Variants in ZFP64 observed in about 807,000 individuals in gnomAD.
ZFP64 encodes zinc finger protein 64.
In ZFP64, 14 loss-of-function variants were observed where a neutral mutation model predicts 51.6. That is an observed-to-expected ratio of 0.27 (90% CI 0.18 to 0.42). The LOEUF (loss-of-function observed/expected upper bound fraction) is 0.42. Ranked by LOEUF, ZFP64 falls within the 10% of genes least tolerant of loss-of-function variation. The probability of loss-of-function intolerance (pLI) is 1.00; values close to 1 mark genes in which losing one functional copy is unlikely to be tolerated. For synonymous variants in ZFP64, 375 were observed against 361.4 expected, an observed-to-expected ratio of 1.04 and a Z score of -0.43; for missense variants, 754 against 906.8, an observed-to-expected ratio of 0.83 and a Z score of 2.16.
chr20:52,133,798 C>T (rs576823367), intron 5 of ZFP64, among the ~76,000 whole-genome samples: 1 of 151,898 alleles, frequency 6.6e-6, no homozygotes, highest in East Asian at 1.9e-4. Context: ...TCTGGCAGGC[C>T]GGGGTAGATC....
In ZFP64 at chr20:52,099,823, T is replaced by C. The variant is rs115981995; in HGVS notation, c.764-1236A>G. On this transcript the variant is annotated intron_variant, in intron 5 of 8. Transcript: ENST00000361387. ...TCACTATAGTCTATTTTTAGGAAGG[T>C]TGAACTAGGTGAAATCGCTATTTTT... is the stretch of plus-strand genomic sequence containing the variant. Among the ~76,000 whole-genome samples, 479 of 152,296 alleles carry C rather than the reference T, an allele frequency of 3.1e-3. 2 individuals carry two copies. The highest frequency in any genetic ancestry group is 0.011 in the African/African-American group (455 of 41,548).
chr20:52,183,474 A>G (rs1983754898), intron 2 of ZFP64, among the ~76,000 whole-genome samples: 1 of 152,188 alleles, frequency 6.6e-6, no homozygotes, highest in African/African-American at 2.4e-5. Context: ...GGGGCAAAAC[A>G]CATGTCCCAG....
At chr20:52,114,458 C>A (rs530982617) in intron 5 of ZFP64, among the ~76,000 whole-genome samples, 2 of 152,082 alleles carry the variant, frequency 1.3e-5, no homozygotes, top group Admixed American at 6.6e-5. Context: ...AGGAATCACC[C>A]GGGGACCTTG....
intron 2 of ZFP64, among the ~76,000 whole-genome samples, chr20:52,177,150 G>A (rs1042136356): frequency 6.6e-6 from 1 of 151,988 alleles, no homozygotes; most frequent in Admixed American, 6.6e-5. Context: ...ACCCCTTCTG[G>A]TTGAATGGTT....
At chr20:52,181,433 C>T (rs4141596) in intron 2 of ZFP64, among the ~76,000 whole-genome samples, 20,233 of 152,138 alleles carry the variant, frequency 0.13, 2,057 homozygotes, top group African/African-American at 0.28. Flanking sequence ...TGTAATTTTA[C>T]AGCTCCCATA....
intron 5 of ZFP64, among the ~76,000 whole-genome samples, chr20:52,130,457 T>A (rs1325007511): frequency 6.6e-6 from 1 of 152,118 alleles, no homozygotes; most frequent in Admixed American, 6.6e-5. Context: ...CAAGCGATGC[T>A]CCTGCCTCGG....
In ZFP64 at chr20:52,166,061, A is replaced by G. The variant is rs765834529; in HGVS notation, c.287-36T>C. 2.5e-6 allele frequency: 4 copies of G among 1,578,400 alleles called. No individual in the cohort carries two copies. The South Asian group carries it at 4.7e-5, about 18-fold the overall frequency. On this transcript the variant is annotated intron_variant, in intron 2 of 5. Coordinates refer to ENST00000216923, the MANE Select transcript of ZFP64 (RefSeq NM_018197.3). ...TGGTGATTATTAATTTTCTTAATAT[A>G]AATGCCCGCTAGCTATGGTGTCTGC... is the stretch of plus-strand genomic sequence containing the variant.
chr20:52,105,039 G>A lies in ZFP64; in HGVS notation c.764-6452C>T, dbSNP rs566661242. 140 of 1,364,982 alleles carry A rather than the reference G, an allele frequency of 1.0e-4. No individual in the cohort carries two copies. The African/African-American group carries it at 1.9e-3, about 19-fold the overall frequency. The allele number at this position is 1,364,982 out of a possible 1,614,324, so 84.6% of individuals were successfully genotyped here. A position where few individuals can be genotyped will look rare whatever the true frequency, so the allele number is the denominator to read the frequency against. ...CCGGACGCTTCGCCCGCCCTTTCAG[G>A]TCCCCTGCCCGGTCCTCGTACCCGC... On this transcript the variant is annotated intron_variant, in intron 5 of 8. Transcript: ENST00000361387.
chr20:52,143,727 T>C lies in ZFP64; in HGVS notation c.763+16396A>G, dbSNP rs1382559494. Among the ~76,000 whole-genome samples, 3 of 141,570 alleles carry C rather than the reference T, an allele frequency of 2.1e-5. 1 individual carries two copies. The highest frequency in any genetic ancestry group is 4.7e-5 in the Non-Finnish European group (3 of 63,874). The allele number at this position is 141,570 out of a possible 152,430, so 92.9% of individuals were successfully genotyped here. On this transcript the variant is annotated intron_variant, in intron 5 of 8. Coordinates refer to the ZFP64 transcript ENST00000361387. Reference sequence around the variant, plus strand: ...ATTTTTTTTTTTATTATTAATAGTATTTGTAGAGACAGGGTCTCCCCTATG... The same window carrying C: ...ATTTTTTTTTTTATTATTAATAGTACTTGTAGAGACAGGGTCTCCCCTATG...
chr20:52,130,138 T>C (rs1373945244), intron 5 of ZFP64, among the ~76,000 whole-genome samples: 2 of 152,164 alleles, frequency 1.3e-5, no homozygotes, highest in East Asian at 3.9e-4. Flanking sequence ...CTCTCCCTCA[T>C]CATACTCAGT....
Position 52,152,708 on chromosome 20 carries a change from C to G in ZFP64, c.1484G>C (p.Gly495Ala). Residue 495 changes from glycine (G) to alanine (A), a missense_variant, in exon 6 of 6, where the codon GGA becomes GCA. Gly to Ala is a moderately conservative substitution (Grantham distance 60). Around this residue, in one of 3 missense-constraint regions of ZFP64, gnomAD observed 428 missense variants for 472.4 expected, o/e 0.91. Coordinates refer to ENST00000216923, the MANE Select transcript of ZFP64 (RefSeq NM_018197.3). ...QPSQVPQFSE[G>A]RVKIIVGHQV... is the part of the protein sequence containing the mutation. ...ATGCCCAACGATGATTTTGACTCTT[C>G]CCTCGCTGAACTGGGGCACTTGGCT... 1 of 1,558,770 alleles carries G rather than the reference C, an allele frequency of 6.4e-7. No homozygotes were observed. Among genetic ancestry groups the G allele is most frequent in the Non-Finnish European group, 8.7e-7 (1 of 1,151,810 alleles).
chr20:52,170,797 T>C (rs984704900), intron 2 of ZFP64, among the ~76,000 whole-genome samples: 1 of 152,164 alleles, frequency 6.6e-6, no homozygotes, highest in African/African-American at 2.4e-5. Context: ...TTCTAAGCAC[T>C]AGAAACAGAG....
At chr20:52,159,531 A>G (rs905439769) in intron 5 of ZFP64, among the ~76,000 whole-genome samples, 2 of 152,232 alleles carry the variant, frequency 1.3e-5, no homozygotes, top group Non-Finnish European at 2.9e-5. Flanking sequence ...TTACTGAGAA[A>G]GGCTCTTCAA....
At chr20:52,117,676 C>T (rs1978949833) in intron 5 of ZFP64, 1 of 456,570 alleles carries the variant, frequency 2.2e-6, no homozygotes, top group Non-Finnish European at 4.4e-6. Flanking sequence ...CTTCTATGAA[C>T]AGTAAGTTTG....
chr20:52,170,920 T>C (rs891531139), intron 2 of ZFP64, among the ~76,000 whole-genome samples: 2 of 152,104 alleles, frequency 1.3e-5, no homozygotes, highest in African/African-American at 4.8e-5. Flanking sequence ...GTGTAAATAT[T>C]ACAGAGAAAA....
At chr20:52,111,699 A>G (rs181715845) in intron 5 of ZFP64, among the ~76,000 whole-genome samples, 35 of 152,236 alleles carry the variant, frequency 2.3e-4, no homozygotes, top group Middle Eastern at 3.4e-3. Context: ...TCTCCTGGTC[A>G]CTCTACCTCT....
intron 2 of ZFP64, among the ~76,000 whole-genome samples, chr20:52,185,900 C>A (rs1983930371): frequency 6.6e-6 from 1 of 152,116 alleles, no homozygotes; most frequent in South Asian, 2.1e-4. Context: ...CACTTTTTAT[C>A]TCCTTTTACT....
At chr20:52,101,326 G>A (rs950259867) in intron 5 of ZFP64, among the ~76,000 whole-genome samples, 1 of 152,132 alleles carries the variant, frequency 6.6e-6, no homozygotes, top group East Asian at 1.9e-4. Flanking sequence ...TTAGGGGCAG[G>A]AGGAGGGGTG....
intron 5 of ZFP64, among the ~76,000 whole-genome samples, chr20:52,133,559 G>A (rs926728915): frequency 6.6e-6 from 1 of 151,954 alleles, no homozygotes; most frequent in Non-Finnish European, 1.5e-5. Context: ...ATTTCTATAC[G>A]CCAACAGTGA....
Sources: allele counts gnomAD v4.1 joint callset (sites outside exome capture counted in the v4.1 genomes callset), GRCh38; gene constraint gnomAD v4.1.1; regional missense constraint gnomAD v4.1.1; transcripts MANE v1.5; gene names NCBI Gene and HGNC (gene_info 2026-07-23, HGNC 2026-07-21).